The following NADSYN1 variants were observed in gnomAD, a reference collection of about 807,000 sequenced individuals.
NADSYN1 encodes the protein NAD synthetase 1, also known as glutamine-dependent NAD(+) synthetase.
Under a neutral mutation model 99.3 loss-of-function variants are expected in NADSYN1, and 80 were observed. The observed-to-expected ratio is 0.81, with a 90% CI of 0.67 to 0.97. NADSYN1 has a LOEUF of 0.97. NADSYN1 is among the 50% of genes least tolerant of loss of function. The pLI is 0.00. For synonymous variants in NADSYN1, 385 were observed against 372.1 expected, an observed-to-expected ratio of 1.03 and a Z score of -0.40; for missense variants, 859 against 948.5, an observed-to-expected ratio of 0.91 and a Z score of 1.24.
chr11:71,485,744 A>G, intron 16 of NADSYN1, 96 bp downstream of exon 16: 4 of 952,164 alleles, frequency 4.2e-6, no homozygotes, highest in South Asian at 1.8e-5. Context: ...TGTGCCTTTC[A>G]TGGCGGGTTT....
chr11:71,484,622 G>T, intron 15 of NADSYN1, 175 bp downstream of exon 15: 1 of 918,846 alleles, frequency 1.1e-6, no homozygotes, highest in East Asian at 2.7e-5. Context: ...CACTGAAGAC[G>T]TCGGTCATGC....
At chr11:71,484,245 C>T (rs1461921070) in intron 14 of NADSYN1, 67 bp from the exon 15 acceptor site, 7 of 1,574,112 alleles carry the variant, frequency 4.4e-6, no homozygotes, top group East Asian at 2.3e-5. Context: ...AGGGCTTCAC[C>T]GCTCATGCGC....
Position 71,498,417 on chromosome 11 carries a change from C to G in NADSYN1, c.1959C>G (p.Leu653=), listed in dbSNP as rs769227804. 12 of 1,614,036 alleles carry G rather than the reference C, an allele frequency of 7.4e-6. No individual in the cohort carries two copies. The African/African-American group carries it at 1.6e-4, about 22-fold the overall frequency. Residue 653 remains leucine (L), a synonymous_variant, in exon 20 of 21, where the codon CTC becomes CTG. Coordinates refer to ENST00000319023, the MANE Select transcript of NADSYN1 (RefSeq NM_018161.5). ...TGAACAGACACAAGATGACCACGCT[C>G]ACACCCGCGTACCACGCCGAGAACT... is the stretch of plus-strand genomic sequence containing the variant. ...YSMNRHKMTT[L]TPAYHAENYS... is the part of the protein sequence containing the mutation.
Position 71,473,427 on chromosome 11 carries a change from C to T in NADSYN1, c.548+61C>T, listed in dbSNP as rs536802137. 19 of 1,579,384 alleles carry T rather than the reference C, an allele frequency of 1.2e-5. No individual in the cohort carries two copies. In the South Asian group the frequency reaches 2.0e-4, roughly 17 times the overall value. Reference sequence around the variant, plus strand: ...CCTCATATGGGCCAGCTGGGAGGACCTGGGACTGCAGACGTCCTGGGGCCG... The same window carrying T: ...CCTCATATGGGCCAGCTGGGAGGACTTGGGACTGCAGACGTCCTGGGGCCG... On this transcript the variant is annotated intron_variant, in intron 7 of 20. Transcript: ENST00000319023.
chr11:71,456,035 G>T (rs1949512111), intron 2 of NADSYN1, among the ~76,000 whole-genome samples: 1 of 152,210 alleles, frequency 6.6e-6, no homozygotes, highest in Admixed American at 6.5e-5. Context: ...TCTGTGCTCT[G>T]CTAGTTTCCC....
At chr11:71,454,070 C>A (rs556966459) in intron 1 of NADSYN1, among the ~76,000 whole-genome samples, 1 of 152,302 alleles carries the variant, frequency 6.6e-6, no homozygotes, top group African/African-American at 2.4e-5. Flanking sequence ...TACACCTGCA[C>A]CTAAATGGGC....
At chr11:71,458,634 T>G in intron 3 of NADSYN1, 90 bp downstream of exon 3, 1 of 907,280 alleles carries the variant, frequency 1.1e-6, no homozygotes, top group South Asian at 1.3e-5. Flanking sequence ...ATCCAGGGTG[T>G]GGAACATCCA....
intron 17 of NADSYN1, among the ~76,000 whole-genome samples, chr11:71,491,593 GTGCCTCCATCTC>G (rs1268298143): frequency 1.3e-5 from 2 of 152,146 alleles, no homozygotes; most frequent in African/African-American, 4.8e-5. Flanking sequence ...GCCCTTCACT[GTGCCTCCATCTC>G]TGCCTCTCCT....
intron 11 of NADSYN1, 177 bp from the exon 12 acceptor site, chr11:71,481,179 T>G (rs3763860): frequency 0.9 from 635,369 of 706,288 alleles, 288,867 homozygotes; most frequent in Non-Finnish European, 0.95. Context: ...ACGTCCTGGG[T>G]CTGTCTTCAG....
rs1309987062 is a variant in NADSYN1 at position 71,491,117 on chromosome 11, G to T, written c.1694+141G>T. 3.4e-6 allele frequency: 4 copies of T among 1,165,814 alleles called. No individual in the cohort carries two copies. In the South Asian group the frequency reaches 6.0e-5, roughly 18 times the overall value. 72.2% of individuals were successfully genotyped at this position (1,165,814 alleles called of 1,614,324 possible). A position where few individuals can be genotyped will look rare whatever the true frequency, so the allele number is the denominator to read the frequency against. ...TCCTGCCCCTGAGCTGGCACTTGAG[G>T]CCTGCAACCAAGCCTCCCTTTCTTC... On this transcript the variant is annotated intron_variant, in intron 17 of 20. Transcript: ENST00000319023.
In NADSYN1 at chr11:71,472,600, G is replaced by A. The variant is rs565493083; in HGVS notation, c.459+100G>A. On this transcript the variant is annotated intron_variant, in intron 6 of 20. Transcript: ENST00000319023. Reference sequence around the variant, plus strand: ...GGGAACGCTTTGGGATCCAGGTAATGGAAGGCACCACAGTGCTCACAGGTC... The same window carrying A: ...GGGAACGCTTTGGGATCCAGGTAATAGAAGGCACCACAGTGCTCACAGGTC... 454 of 1,046,444 alleles carry A rather than the reference G, an allele frequency of 4.3e-4. 1 individual carries two copies. Among genetic ancestry groups the A allele is most frequent in the Non-Finnish European group, 5.8e-4 (393 of 672,942 alleles). 64.8% of individuals were successfully genotyped at this position (1,046,444 alleles called of 1,614,324 possible). A position where few individuals can be genotyped will look rare whatever the true frequency, so the allele number is the denominator to read the frequency against.
Position 71,453,227 on chromosome 11 carries a change from C to T in NADSYN1, c.-70C>T, listed in dbSNP as rs1056312243. The T allele has an allele frequency of 1.5e-5, 21 of 1,415,216 alleles. No individual in the cohort carries two copies. The highest frequency in any genetic ancestry group is 2.1e-5 in the Non-Finnish European group (21 of 1,019,030). 87.7% of individuals were successfully genotyped at this position (1,415,216 alleles called of 1,614,324 possible). A position where few individuals can be genotyped will look rare whatever the true frequency, so the allele number is the denominator to read the frequency against. ...CAACCCGGAAGGTCCGGCGTCCCAG[C>T]CGCCTACCTCGCTGGGACCCTGGTC... is the stretch of plus-strand genomic sequence containing the variant. On this transcript the variant is annotated 5_prime_UTR_variant, in exon 1 of 21. Transcript: ENST00000319023.
intron 13 of NADSYN1, among the ~76,000 whole-genome samples, chr11:71,482,465 G>A (rs12275637): frequency 0.034 from 5,162 of 150,852 alleles, 266 homozygotes; most frequent in African/African-American, 0.11. Context: ...GGGTGCAGCC[G>A]TACGGGCACC....
Position 71,472,464 on chromosome 11 carries a change from C to T in NADSYN1, c.423C>T (p.Tyr141=), listed in dbSNP as rs1357695318. ...TCCTCTCCAGGCACACAGAGGAGTA[C>T]TTTCTGCCTCGGATGATACAGGACC... ...PWSRSRHTEE[Y]FLPRMIQDLT... is the part of the protein sequence containing the mutation. Residue 141 remains tyrosine, a synonymous_variant, in exon 6 of 21, where the codon TAC becomes TAT. Transcript: ENST00000319023. 1.2e-6 allele frequency: 2 copies of T among 1,613,656 alleles called. No individual in the cohort carries two copies. Among genetic ancestry groups the T allele is most frequent in the East Asian group, 2.2e-5 (1 of 44,884 alleles).
intron 2 of NADSYN1, 195 bp downstream of exon 2, chr11:71,455,365 C>T: frequency 2.0e-6 from 1 of 506,078 alleles, no homozygotes; most frequent in East Asian, 3.1e-5. Flanking sequence ...GTCTAGATTC[C>T]CATGTTGAGT....
At chr11:71,491,348 G>A (rs1949777827) in intron 17 of NADSYN1, among the ~76,000 whole-genome samples, 1 of 152,270 alleles carries the variant, frequency 6.6e-6, no homozygotes, top group African/African-American at 2.4e-5. Context: ...CTTTGCCGAG[G>A]TTCCCTGCCA....
At chr11:71,494,030 C>T (rs1420414762) in intron 18 of NADSYN1, among the ~76,000 whole-genome samples, 1 of 152,082 alleles carries the variant, frequency 6.6e-6, no homozygotes, top group East Asian at 1.9e-4. Flanking sequence ...ATAAAAGTTA[C>T]AATAAGCTAA....
In NADSYN1 at chr11:71,453,249, G is replaced by A. The variant is rs374771071; in HGVS notation, c.-48G>A. The A allele has an allele frequency of 5.6e-5, 87 of 1,555,290 alleles. 1 individual carries two copies. The highest frequency in any genetic ancestry group is 7.2e-5 in the Non-Finnish European group (81 of 1,132,286). ...CAGCCGCCTACCTCGCTGGGACCCT[G>A]GTCTTGCTGTCCCCCGCTGGCCTCC... is the stretch of plus-strand genomic sequence containing the variant. On this transcript the variant is annotated 5_prime_UTR_variant, in exon 1 of 21. Coordinates refer to ENST00000319023, the MANE Select transcript of NADSYN1 (RefSeq NM_018161.5).
chr11:71,478,538 GGCCTGGTGGA>G (rs1949684958), intron 10 of NADSYN1, 69 bp downstream of exon 10: 1 of 1,417,118 alleles, frequency 7.1e-7, no homozygotes, highest in African/African-American at 1.4e-5. Flanking sequence ...CATTCGTGCG[GGCCTGGTGGA>G]GGCCGTGAGG....
Sources: allele counts gnomAD v4.1 joint callset (sites outside exome capture counted in the v4.1 genomes callset), GRCh38; gene constraint gnomAD v4.1.1; transcripts MANE v1.5; gene names NCBI Gene and HGNC (gene_info 2026-07-23, HGNC 2026-07-21).